Variants in DMWD observed in about 807,000 individuals in gnomAD.
DMWD encodes DM1 locus, WD repeat containing.
In DMWD, 19 loss-of-function variants were observed where a neutral mutation model predicts 45.8. The ratio of observed to expected loss-of-function variants is 0.41; its 90% confidence interval spans 0.29 to 0.61. The LOEUF (loss-of-function observed/expected upper bound fraction) is 0.61. Among genes scored for constraint, DMWD ranks in the 20% least tolerant of loss-of-function variants. The pLI is 0.25. For missense variants in DMWD, 802 were observed against 965.2 expected (o/e 0.83, Z 2.24); for synonymous variants, 515 against 440.5 (o/e 1.17, Z -2.12).
rs1423172936 is a variant in DMWD, at chr19:45,785,855, G to A, written c.1641C>T (p.Gly547=). The change falls in exon 3 of 5, where the codon GGC becomes GGT. Residue 547 remains glycine (G), a synonymous_variant. Coordinates refer to ENST00000270223, the MANE Select transcript of DMWD (RefSeq NM_004943.2). ...CGCCACTGCCACCCCGGCTGATGTT[G>A]CCCAGGCTGTGGTAGCGCTTGTGCT... ...EKEHKRYHSL[G]NISRGGSGGS... is the part of the protein sequence containing the mutation. 6.2e-7 allele frequency: 1 copy of A among 1,609,036 alleles called. No homozygotes were observed. Among genetic ancestry groups the A allele is most frequent in the East Asian group, 2.2e-5 (1 of 44,874 alleles).
Position 45,784,103 on chromosome 19 carries a change from A to T in DMWD, c.*140T>A. On this transcript the variant is annotated 3_prime_UTR_variant, in exon 5 of 5. Coordinates refer to ENST00000270223, the MANE Select transcript of DMWD (RefSeq NM_004943.2). ...TCCGGGCCAGTCTGGGGGGCCCCCA[A>T]ATTTTGTGCAGGTGGGGGGACTGGA... The T allele has an allele frequency of 1.3e-6, 1 of 776,596 alleles. No individual in the cohort carries two copies. 48.1% of individuals were successfully genotyped at this position (776,596 alleles called of 1,614,324 possible).
At position 45,786,302 on chromosome 19, in the gene DMWD, G is replaced by C. The variant is rs138963867; in HGVS notation, c.1194C>G (p.Gly398=). 11 of 1,605,988 alleles carry C rather than the reference G, an allele frequency of 6.8e-6. No homozygotes were observed. The highest frequency in any genetic ancestry group is 6.8e-6 in the Non-Finnish European group (8 of 1,174,812). Residue 398 remains glycine (G), a synonymous_variant, in exon 3 of 5, where the codon GGC becomes GGG. Transcript: ENST00000270223. ...TAAGADGERS[G]EEEEEEPEAA... is the part of the protein sequence containing the mutation. ...CCTCGGGCTCCTCCTCCTCCTCTTC[G>C]CCGCTCCGCTCCCCATCAGCACCGG...
At position 45,786,133 on chromosome 19, in the gene DMWD, G is replaced by A; in HGVS notation, c.1363C>T (p.Pro455Ser). 6.5e-7 allele frequency: 1 copy of A among 1,535,234 alleles called. No homozygotes were observed. The highest frequency in any genetic ancestry group is 2.4e-5 in the East Asian group (1 of 41,740). ...LTEDVLYPHP[P>S]LARTRTLPGT... ...GGGAGGGTGCGGGTGCGGGCCAGGG[G>A]GGGGTGCGGGTAGAGCACGTCTTCA... The change falls in exon 3 of 5, where the codon CCC becomes TCC. Residue 455 changes from proline to serine, a missense_variant. By Grantham distance (74) the Pro-to-Ser change is moderately conservative (BLOSUM62 -1). Around this residue, in one of 9 missense-constraint regions of DMWD, gnomAD observed 303 missense variants for 332.9 expected, o/e 0.91. Transcript: ENST00000270223.
At chr19:45,787,133 C>T (rs889706971) in intron 2 of DMWD, 23 of 582,598 alleles carry the variant, frequency 3.9e-5, no homozygotes, top group Middle Eastern at 4.7e-4. Flanking sequence ...CCATCTTTGG[C>T]GAGGGGACAG....
chr19:45,790,757 G>A (rs766477791), intron 2 of DMWD, 148 bp downstream of exon 2: 1 of 823,384 alleles, frequency 1.2e-6, no homozygotes, highest in South Asian at 1.9e-5. Context: ...AAAGGCAGCT[G>A]TCATTAGCTG....
chr19:45,784,100 C>T lies in DMWD; in HGVS notation c.*143G>A. The T allele has an allele frequency of 1.3e-6, 1 of 762,702 alleles. No individual in the cohort carries two copies. Among genetic ancestry groups the T allele is most frequent in the South Asian group, 1.5e-5 (1 of 66,076 alleles). The allele number at this position is 762,702 out of a possible 1,614,324, so 47.2% of individuals were successfully genotyped here. ...GTGTCCGGGCCAGTCTGGGGGGCCC[C>T]CAAATTTTGTGCAGGTGGGGGGACT... is the stretch of plus-strand genomic sequence containing the variant. On this transcript the variant is annotated 3_prime_UTR_variant, in exon 5 of 5. Transcript: ENST00000270223.
At chr19:45,785,109 C>T (rs1970253236) in intron 3 of DMWD, 1 of 995,792 alleles carries the variant, frequency 1.0e-6, no homozygotes, top group African/African-American at 1.7e-5. Flanking sequence ...GGGACTGGAA[C>T]CCAGGCCTGG....
In DMWD at chr19:45,784,625, T is replaced by C. The variant is rs1485807304; in HGVS notation, c.1977+16A>G. ...GACCCTGAGGTGCTGGGGAAAGAACTCAGGGACAGTCCTACCTCTACCACT... is the reference window on the plus strand; with the variant it reads ...GACCCTGAGGTGCTGGGGAAAGAACCCAGGGACAGTCCTACCTCTACCACT... On this transcript the variant is annotated intron_variant, in intron 4 of 4. Coordinates refer to ENST00000270223, the MANE Select transcript of DMWD (RefSeq NM_004943.2). 4 of 1,613,846 alleles carry C rather than the reference T, an allele frequency of 2.5e-6. No homozygotes were observed. The highest frequency in any genetic ancestry group is 2.5e-6 in the Non-Finnish European group (3 of 1,179,920).
intron 1 of DMWD, 24 bp downstream of exon 1, chr19:45,792,292 G>C (rs751801315): frequency 9.4e-6 from 15 of 1,597,650 alleles, no homozygotes; most frequent in Non-Finnish European, 1.2e-5. Context: ...CAGCACCCAG[G>C]GCCCCACGAT....
rs367711860 is a variant in DMWD at position 45,786,671 on chromosome 19, G to T, written c.825C>A (p.Asn275Lys). The T allele has an allele frequency of 1.2e-6, 2 of 1,610,830 alleles. No homozygotes were observed. The highest frequency in any genetic ancestry group is 1.7e-5 in the Admixed American group (1 of 59,930). Residue 275 changes from asparagine (N) to lysine (K), a missense_variant, in exon 3 of 5, where the codon AAC becomes AAA. By Grantham distance (94) the Asn-to-Lys change is moderately conservative. This residue lies in a region of DMWD where 146 missense variants were observed against 212.8 expected (regional missense o/e 0.69). Transcript: ENST00000270223. ...VYAAKSKAPR[N>K]PLAKWAVGEG... is the part of the protein sequence containing the mutation. ...CACCCACCGCCCACTTGGCCAGCGG[G>T]TTGCGGGGTGCCTTGCTCTTGGCAG... is the stretch of plus-strand genomic sequence containing the variant.
At chr19:45,784,618 A>G (rs528613155) in intron 4 of DMWD, 23 bp downstream of exon 4, 2 of 1,613,688 alleles carry the variant, frequency 1.2e-6, no homozygotes, top group Admixed American at 3.3e-5. Context: ...GGTGCTGGGG[A>G]AAGAACTCAG....
At chr19:45,784,736 CTT>C in intron 3 of DMWD, 21 bp from the exon 4 acceptor site, 1 of 1,611,438 alleles carries the variant, frequency 6.2e-7, no homozygotes, top group Admixed American at 1.7e-5. Flanking sequence ...AGAGGGGTCT[CTT>C]TTAGGACTCA....
chr19:45,788,408 T>C (rs1218728215), intron 2 of DMWD, among the ~76,000 whole-genome samples: 1 of 152,160 alleles, frequency 6.6e-6, no homozygotes, highest in Non-Finnish European at 1.5e-5. Context: ...ATCACTCTAG[T>C]CACTTCTGCC....
rs766127920 is a variant in DMWD, at chr19:45,786,135, G to A, written c.1361C>T (p.Pro454Leu). ...GAGGGTGCGGGTGCGGGCCAGGGGG[G>A]GGTGCGGGTAGAGCACGTCTTCAGT... The part of the protein sequence containing the change: ...DLTEDVLYPH[P>L]PLARTRTLPG... The change falls in exon 3 of 5, where the codon CCC becomes CTC. Residue 454 changes from proline to leucine, a missense_variant. Pro to Leu is a moderately conservative substitution (Grantham distance 98). Transcript: ENST00000270223. 45 of 1,538,752 alleles carry A rather than the reference G, an allele frequency of 2.9e-5. No individual in the cohort carries two copies. Among genetic ancestry groups the A allele is most frequent in the African/African-American group, 8.2e-5 (6 of 73,248 alleles).
chr19:45,792,056 T>C (rs779453489), intron 1 of DMWD, among the ~76,000 whole-genome samples: 8 of 152,006 alleles, frequency 5.3e-5, no homozygotes, highest in Non-Finnish European at 7.4e-5. Flanking sequence ...TCATGTCCAA[T>C]AGTCACCATC....
Position 45,784,229 on chromosome 19 carries a change from C to T in DMWD, c.*14G>A, listed in dbSNP as rs1344109864. 11 of 1,556,286 alleles carry T rather than the reference C, an allele frequency of 7.1e-6. No individual in the cohort carries two copies. The highest frequency in any genetic ancestry group is 2.3e-5 in the East Asian group (1 of 43,230). On this transcript the variant is annotated 3_prime_UTR_variant, in exon 5 of 5. Coordinates refer to ENST00000270223, the MANE Select transcript of DMWD (RefSeq NM_004943.2). Reference sequence around the variant, plus strand: ...CTGGGGGCATGGGGTTGGGGGGGCCCGATATCCATGGCTTCACACCACTGT... The same window carrying T: ...CTGGGGGCATGGGGTTGGGGGGGCCTGATATCCATGGCTTCACACCACTGT...
intron 4 of DMWD, 107 bp downstream of exon 4, chr19:45,784,534 G>C (rs1487237724): frequency 8.1e-6 from 10 of 1,238,142 alleles, no homozygotes; most frequent in Non-Finnish European, 1.1e-5. Context: ...TCCTGAGTGA[G>C]ACCATGGGGT....
chr19:45,785,811 TC>T lies in DMWD; in HGVS notation c.1684del (p.Glu562ArgfsTer97). On this transcript the variant is annotated frameshift_variant, in exon 3 of 5. Coordinates refer to ENST00000270223, the MANE Select transcript of DMWD (RefSeq NM_004943.2). LOFTEE classifies it high-confidence loss of function. ...GGSGGSGSGGEKPSGPVPRSR... is the reference protein window; with the variant it reads ...GGSGGSGSGGXKPSGPVPRSR... The stretch of plus-strand genomic sequence containing the variant: ...GCGGGGAACAGGGCCGCTGGGCTTC[TC>T]CCCACCACTGCCACTGCCGCCACTG... 6.2e-7 allele frequency: 1 copy of T among 1,611,336 alleles called. No individual in the cohort carries two copies.
At position 45,785,772 on chromosome 19, in the gene DMWD, G is replaced by A; in HGVS notation, c.1724C>T (p.Pro575Leu). The A allele has an allele frequency of 1.2e-6, 2 of 1,611,326 alleles. No homozygotes were observed. The highest frequency in any genetic ancestry group is 2.2e-5 in the East Asian group (1 of 44,838). The change falls in exon 3 of 5, where the codon CCC becomes CTC. Residue 575 changes from proline to leucine, a missense_variant. Physicochemically the swap from Pro to Leu is moderately conservative, Grantham distance 98. Coordinates refer to ENST00000270223, the MANE Select transcript of DMWD (RefSeq NM_004943.2). ...SGPVPRSRLD[P>L]AKVLGTALCP... ...CAGCGCAGTGCCCAGCACCTTGGCGGGGTCCAGGCGGCTGCGGGGAACAGG... is the reference window on the plus strand; with the variant it reads ...CAGCGCAGTGCCCAGCACCTTGGCGAGGTCCAGGCGGCTGCGGGGAACAGG...
Sources: allele counts gnomAD v4.1 joint callset (sites outside exome capture counted in the v4.1 genomes callset), GRCh38; gene constraint gnomAD v4.1.1; regional missense constraint gnomAD v4.1.1; transcripts MANE v1.5; gene names NCBI Gene and HGNC (gene_info 2026-07-23, HGNC 2026-07-21).